Variants in EEF1G observed in about 807,000 individuals in gnomAD.
EEF1G encodes the protein eukaryotic translation elongation factor 1 gamma, also known as elongation factor 1-gamma.
EEF1G carries 14 observed loss-of-function variants against 58.3 expected under a neutral mutation model. That is an observed-to-expected ratio of 0.24 (90% CI 0.16 to 0.38). The LOEUF (loss-of-function observed/expected upper bound fraction) is 0.38. Ranked by LOEUF, EEF1G falls within the 10% of genes least tolerant of loss-of-function variation. The probability of loss-of-function intolerance (pLI) is 1.00; values close to 1 mark genes in which losing one functional copy is unlikely to be tolerated. For missense variants in EEF1G, 322 were observed against 550.1 expected, an observed-to-expected ratio of 0.59 and a Z score of 4.15; for synonymous variants, 180 against 206.8, an observed-to-expected ratio of 0.87 and a Z score of 1.11.
intron 5 of EEF1G, among the ~76,000 whole-genome samples, chr11:62,567,996 G>A (rs1565261782): frequency 2.0e-5 from 3 of 150,992 alleles, no homozygotes; most frequent in Admixed American, 6.6e-5. Context: ...TGGGATCTCC[G>A]AGGCGGGCGG....
intron 5 of EEF1G, among the ~76,000 whole-genome samples, chr11:62,568,790 T>C (rs554623569): frequency 6.6e-6 from 1 of 151,336 alleles, no homozygotes; most frequent in Admixed American, 6.6e-5. Context: ...CTGGCAAACA[T>C]GGTGAAACCC....
rs1234261482 is a variant in EEF1G at position 62,559,773 on chromosome 11, T to A, written c.1220A>T (p.Glu407Val). Residue 407 changes from glutamate (E) to valine (V), a missense_variant, in exon 10 of 10, where the codon GAG becomes GTG. This residue lies in a region of EEF1G where 208 missense variants were observed against 323.7 expected (regional missense o/e 0.64). Transcript: ENST00000329251. ...YTWRKLDPGS[E>V]ETQTLVREYF... is the part of the protein sequence containing the mutation. ...CTCTCGAACCAGCGTCTGGGTCTCCTCGCTGCCAGGATCCAGTTTCCGCCA... is the reference window on the plus strand; with the variant it reads ...CTCTCGAACCAGCGTCTGGGTCTCCACGCTGCCAGGATCCAGTTTCCGCCA... 1 of 1,613,882 alleles carries A rather than the reference T, an allele frequency of 6.2e-7. No homozygotes were observed. Among genetic ancestry groups the A allele is most frequent in the African/African-American group, 1.3e-5 (1 of 74,892 alleles).
chr11:62,571,236 AG>A (rs1941627123), intron 4 of EEF1G, 128 bp from the exon 5 acceptor site: 38 of 1,420,020 alleles, frequency 2.7e-5, no homozygotes, highest in Non-Finnish European at 3.3e-5. Context: ...CTTTCAATGG[AG>A]GCAGATCCTA....
At chr11:62,564,667 C>G (rs767216382) in intron 7 of EEF1G, among the ~76,000 whole-genome samples, 9 of 143,230 alleles carry the variant, frequency 6.3e-5, no homozygotes, top group Non-Finnish European at 1.2e-4. Flanking sequence ...GAGGCTGAAG[C>G]AGAACTGCTT....
chr11:62,573,560 C>CA, intron 1 of EEF1G: 1 of 575,408 alleles, frequency 1.7e-6, no homozygotes. Flanking sequence ...AAAGCGGCAA[C>CA]AGAGCCGAAC....
rs1941648028 is a variant in EEF1G, at chr11:62,572,590, G to A, written c.165C>T (p.Ala55=). 3.1e-6 allele frequency: 5 copies of A among 1,611,968 alleles called. No individual in the cohort carries two copies. Among genetic ancestry groups the A allele is most frequent in the South Asian group, 1.1e-5 (1 of 90,990 alleles). The change falls in exon 2 of 10, where the codon GCC becomes GCT. Residue 55 remains alanine (A), a synonymous_variant. Transcript: ENST00000329251. The stretch of plus-strand genomic sequence containing the variant: ...TCCCCATCTCCCAACTCACCTTGCC[G>A]GCAGGAAATTTGCGGAGAAATTCAG... ...RTPEFLRKFP[A]GKVPAFEGDD...
At chr11:62,567,272 A>T in intron 6 of EEF1G, 127 bp downstream of exon 6, 1 of 1,276,088 alleles carries the variant, frequency 7.8e-7, no homozygotes, top group Non-Finnish European at 1.1e-6. Flanking sequence ...AATATTAGCT[A>T]CCACATTGAC....
rs537780043 is a variant in EEF1G at position 62,560,125 on chromosome 11, T to C, written c.1099A>G (p.Asn367Asp). 2.2e-5 allele frequency: 35 copies of C among 1,613,916 alleles called. No individual in the cohort carries two copies. Among genetic ancestry groups the C allele is most frequent in the Non-Finnish European group, 2.6e-5 (31 of 1,179,888 alleles). ...CAGACTCCAGAAATGGAGCTGCTATTGTTGGTTCCAAAAAGGATGACACTG... is the reference window on the plus strand; with the variant it reads ...CAGACTCCAGAAATGGAGCTGCTATCGTTGGTTCCAAAAAGGATGACACTG... ...FASVILFGTNNSSSISGVWVF... is the reference protein window; with the variant it reads ...FASVILFGTNDSSSISGVWVF... The change falls in exon 9 of 10, where the codon AAT becomes GAT. Residue 367 changes from asparagine to aspartate, a missense_variant. Around this residue, in one of 3 missense-constraint regions of EEF1G, gnomAD observed 208 missense variants for 323.7 expected, o/e 0.64. Coordinates refer to ENST00000329251, the MANE Select transcript of EEF1G (RefSeq NM_001404.5).
intron 5 of EEF1G, among the ~76,000 whole-genome samples, chr11:62,570,488 G>C (rs1471196055): frequency 6.6e-6 from 1 of 152,144 alleles, no homozygotes; most frequent in East Asian, 1.9e-4. Flanking sequence ...AGAAACTAAA[G>C]GCAAGACATT....
chr11:62,573,551 A>C, intron 1 of EEF1G: 1 of 565,088 alleles, frequency 1.8e-6, no homozygotes, highest in Non-Finnish European at 3.2e-6. Context: ...CCACGCCTCA[A>C]AGCGGCAACA....
intron 5 of EEF1G, among the ~76,000 whole-genome samples, chr11:62,570,692 C>T (rs1941616209): frequency 6.6e-6 from 1 of 152,074 alleles, no homozygotes; most frequent in Non-Finnish European, 1.5e-5. Context: ...GTAGCTGGGG[C>T]TATAGGTGTG....
chr11:62,559,612 G>A lies in EEF1G; in HGVS notation c.*67C>T. On this transcript the variant is annotated 3_prime_UTR_variant, in exon 10 of 10. Transcript: ENST00000329251. ...AGGACAGGAAAGGGTTCAATGTTCA[G>A]TTTCCTTTAATGACCCCCATCTCCC... is the stretch of plus-strand genomic sequence containing the variant. The A allele has an allele frequency of 1.3e-6, 2 of 1,579,772 alleles. No individual in the cohort carries two copies. The highest frequency in any genetic ancestry group is 8.7e-7 in the Non-Finnish European group (1 of 1,154,846).
chr11:62,571,487 C>CAGG (rs1941630383), intron 4 of EEF1G, 53 bp downstream of exon 4: 1 of 1,550,870 alleles, frequency 6.4e-7, no homozygotes, highest in South Asian at 1.2e-5. Context: ...TCCCAACACC[C>CAGG]AGGAGCTGAT....
rs766154485 is a variant in EEF1G, at chr11:62,571,097, A to G, written c.390T>C (p.Asn130=). ...GAATTCGCCTCACTTCCTCCTTTGC[A>G]TTCTCAGTGGCCTAGTGATTCAACA... ...IMHHNKQATE[N]AKEEVRRILG... The change falls in exon 5 of 10, where the codon AAT becomes AAC. Residue 130 remains asparagine, a synonymous_variant. Coordinates refer to ENST00000329251, the MANE Select transcript of EEF1G (RefSeq NM_001404.5). 1 of 1,613,796 alleles carries G rather than the reference A, an allele frequency of 6.2e-7. No individual in the cohort carries two copies. Among genetic ancestry groups the G allele is most frequent in the Non-Finnish European group, 8.5e-7 (1 of 1,179,840 alleles).
At position 62,559,929 on chromosome 11, in the gene EEF1G, G is replaced by A. The variant is rs148310824; in HGVS notation, c.1156-92C>T. Reference sequence around the variant, plus strand: ...CTCAAACACATGTCATCAGACCCCAGGTCTCCTGTGAACATGAACTGCTCC... The same window carrying A: ...CTCAAACACATGTCATCAGACCCCAAGTCTCCTGTGAACATGAACTGCTCC... On this transcript the variant is annotated intron_variant, in intron 9 of 9. Transcript: ENST00000329251. 1.1e-3 allele frequency: 1,736 copies of A among 1,607,868 alleles called. 45 individuals are homozygous for A. The East Asian group carries it at 0.033, about 31-fold the overall frequency.
intron 7 of EEF1G, among the ~76,000 whole-genome samples, chr11:62,566,573 T>TA (rs1435216489): frequency 6.6e-6 from 1 of 152,278 alleles, no homozygotes; most frequent in Non-Finnish European, 1.5e-5. Context: ...TTTGTTGGAA[T>TA]AGGAGTTCAA....
chr11:62,563,053 T>C (rs1278284931), intron 7 of EEF1G, among the ~76,000 whole-genome samples: 1 of 150,722 alleles, frequency 6.6e-6, no homozygotes, highest in Non-Finnish European at 1.5e-5. Flanking sequence ...GAGGTTGCAG[T>C]GAGCCGAGAT....
intron 7 of EEF1G, among the ~76,000 whole-genome samples, chr11:62,562,721 C>T (rs924025851): frequency 5.3e-5 from 8 of 152,106 alleles, no homozygotes; most frequent in African/African-American, 1.9e-4. Context: ...CCTCGTGATC[C>T]GCCCGCCTCG....
intron 5 of EEF1G, 151 bp downstream of exon 5, chr11:62,570,814 C>G: frequency 2.8e-6 from 3 of 1,066,990 alleles, no homozygotes; most frequent in Admixed American, 3.9e-5. Context: ...CCTCGGCCCC[C>G]CAGTGTGCTC....
Sources: allele counts gnomAD v4.1 joint callset (sites outside exome capture counted in the v4.1 genomes callset), GRCh38; gene constraint gnomAD v4.1.1; regional missense constraint gnomAD v4.1.1; transcripts MANE v1.5; gene names NCBI Gene and HGNC (gene_info 2026-07-23, HGNC 2026-07-21).